Variants in RBP5 observed in about 807,000 individuals in gnomAD.
The protein encoded by RBP5 is retinol binding protein 5.
In RBP5, 12 loss-of-function variants were observed where a neutral mutation model predicts 17.8. The observed-to-expected ratio is 0.67, with a 90% confidence interval of 0.43 to 1.09. The LOEUF is 1.09. Among genes scored for constraint, RBP5 ranks in the 50% least tolerant of loss-of-function variants. The pLI is 0.00. For missense variants in RBP5, 172 were observed against 169.4 expected, an observed-to-expected ratio of 1.02 and a Z score of -0.09; for synonymous variants, 64 against 68.1, an observed-to-expected ratio of 0.94 and a Z score of 0.30.
In RBP5 at chr12:7,128,378, C is replaced by T; in HGVS notation, c.114G>A (p.Lys38=). The T allele has an allele frequency of 6.2e-7, 1 of 1,614,232 alleles. No individual in the cohort carries two copies. Among genetic ancestry groups the T allele is most frequent in the Non-Finnish European group, 8.5e-7 (1 of 1,180,034 alleles). Residue 38 remains lysine (K), a synonymous_variant, in exon 2 of 4, where the codon AAG becomes AAA. Coordinates refer to ENST00000266560, the MANE Select transcript of RBP5 (RefSeq NM_031491.4). This position sits in a 1 kb window ranked among gnomAD's most constrained non-coding sequence, Gnocchi z 5.3. ...CCTGGTGTTCGATCTCCTTGTCCGG[C>T]TTCAGCAGCAGCGCGATCTTCCGCA... ...LAVRKIALLL[K]PDKEIEHQGN...
downstream of RBP5, chr12:7,119,698 T>C (rs1375320470): frequency 2.6e-5 from 4 of 154,576 alleles, no homozygotes; most frequent in Non-Finnish European, 4.4e-5. Context: ...AGGCAGGGAA[T>C]AGTGCAAGTA....
At chr12:7,126,545 G>A (rs1000951109) in intron 2 of RBP5, among the ~76,000 whole-genome samples, 18 of 144,504 alleles carry the variant, frequency 1.2e-4, no homozygotes, top group Middle Eastern at 6.9e-3. Context: ...GTGTGTGTGT[G>A]TGTGTGTGTG....
chr12:7,122,797 C>G (rs1939098233), downstream of RBP5, among the ~76,000 whole-genome samples: 1 of 152,186 alleles, frequency 6.6e-6, no homozygotes, highest in Non-Finnish European at 1.5e-5. Flanking sequence ...GGGCTTTCCA[C>G]TCTACTGTGG....
chr12:7,128,402 C>T lies in RBP5; in HGVS notation c.90G>A (p.Val30=). The part of the protein sequence containing the change: ...YLQALNISLA[V]RKIALLLKPD... The stretch of plus-strand genomic sequence containing the variant: ...GCTTCAGCAGCAGCGCGATCTTCCG[C>T]ACAGCCAAGCTGATGTCTGTGGGGG... The change falls in exon 2 of 4, where the codon GTG becomes GTA. Residue 30 remains valine (V), a synonymous_variant. Transcript: ENST00000266560. This position sits in a 1 kb window ranked among gnomAD's most constrained non-coding sequence, Gnocchi z 5.3. The T allele has an allele frequency of 6.2e-7, 1 of 1,614,140 alleles. No individual in the cohort carries two copies. Among genetic ancestry groups the T allele is most frequent in the Middle Eastern group, 1.6e-4 (1 of 6,062 alleles).
chr12:7,119,814 C>G (rs1591606419), downstream of RBP5, among the ~76,000 whole-genome samples: 1 of 152,208 alleles, frequency 6.6e-6, no homozygotes, highest in Admixed American at 6.5e-5. Context: ...CTTGGTGTTG[C>G]CTTGTGGGCT....
In RBP5 at chr12:7,123,950, C is replaced by T. The variant is rs145447427; in HGVS notation, c.*171G>A. 1.4e-3 allele frequency: 894 copies of T among 635,556 alleles called. 1 individual carries two copies. Among genetic ancestry groups the T allele is most frequent in the African/African-American group, 0.013 (739 of 55,450 alleles). The allele number at this position is 635,556 out of a possible 1,614,324, so 39.4% of individuals were successfully genotyped here. ...GTGGAGTGTGAGAAAGGACTTTGGC[C>T]TGGGGGCTGCAAGTTACAGATTAAC... is the stretch of plus-strand genomic sequence containing the variant. On this transcript the variant is annotated 3_prime_UTR_variant, in exon 4 of 4. Transcript: ENST00000266560.
chr12:7,126,865 G>A (rs1216168771), intron 2 of RBP5, among the ~76,000 whole-genome samples: 1 of 152,104 alleles, frequency 6.6e-6, no homozygotes, highest in Non-Finnish European at 1.5e-5. Flanking sequence ...GAATGCAATG[G>A]CATGATCTTG....
In RBP5 at chr12:7,127,995, G is replaced by T. The variant is rs527641607; in HGVS notation, c.252+245C>A. On this transcript the variant is annotated intron_variant, in intron 2 of 3. Transcript: ENST00000266560. Reference sequence around the variant, plus strand: ...AAATGTTTGCTCTTCGGTCTGGGTTGGCCTGTTCTTTGCCCTTTGGGCTGG... The same window carrying T: ...AAATGTTTGCTCTTCGGTCTGGGTTTGCCTGTTCTTTGCCCTTTGGGCTGG... Among the ~76,000 whole-genome samples, 15 of 152,346 alleles carry T rather than the reference G, an allele frequency of 9.8e-5. No individual in the cohort carries two copies. The South Asian group carries it at 2.3e-3, about 23-fold the overall frequency.
At chr12:7,125,851 T>C (rs1433111213) in intron 2 of RBP5, among the ~76,000 whole-genome samples, 1 of 152,158 alleles carries the variant, frequency 6.6e-6, no homozygotes, top group East Asian at 1.9e-4. Flanking sequence ...AGATCATCAC[T>C]GAAAGGGTGT....
chr12:7,126,954 C>T (rs993564744), intron 2 of RBP5, among the ~76,000 whole-genome samples: 8 of 150,880 alleles, frequency 5.3e-5, no homozygotes, highest in Non-Finnish European at 8.9e-5. Context: ...TACAGGCATG[C>T]GCCACCATGC....
At chr12:7,127,258 T>C (rs924935136) in intron 2 of RBP5, among the ~76,000 whole-genome samples, 6 of 152,140 alleles carry the variant, frequency 3.9e-5, no homozygotes, top group African/African-American at 1.4e-4. Context: ...CCTCCCAAAG[T>C]ACTGGGATTA....
rs1939130656 is a variant in RBP5, at chr12:7,124,667, C to T, written c.316G>A (p.Gly106Ser). 6.2e-6 allele frequency: 10 copies of T among 1,613,240 alleles called. No homozygotes were observed. Among genetic ancestry groups the T allele is most frequent in the Non-Finnish European group, 8.5e-6 (10 of 1,179,306 alleles). The change falls in exon 3 of 4, where the codon GGC becomes AGC. Residue 106 changes from glycine (G) to serine (S), a missense_variant. Physicochemically the swap from Gly to Ser is moderately conservative, Grantham distance 56. Coordinates refer to ENST00000266560, the MANE Select transcript of RBP5 (RefSeq NM_031491.4). This position sits in a 1 kb window ranked among gnomAD's most constrained non-coding sequence, Gnocchi z 5.3. ...TCTCCCTCCAGCCAGTGTCTCCAGCCCCGGTTGGGGACCTCCCCTTTCTGC... is the reference window on the plus strand; with the variant it reads ...TCTCCCTCCAGCCAGTGTCTCCAGCTCCGGTTGGGGACCTCCCCTTTCTGC... ...CVQKGEVPNRGWRHWLEGEML... is the reference protein window; with the variant it reads ...CVQKGEVPNRSWRHWLEGEML...
chr12:7,129,808 G>T, upstream of RBP5: 1 of 985,744 alleles, frequency 1.0e-6, no homozygotes, highest in Non-Finnish European at 1.2e-6. The surrounding 1 kb of genome is among the most constrained non-coding windows in gnomAD (Gnocchi z 5.5). Flanking sequence ...TAGGCAGGAG[G>T]AGGCGGCCGG....
exon 4 of RBP5, chr12:7,116,551 G>T (rs1451191093): frequency 6.6e-6 from 1 of 152,226 alleles, no homozygotes; most frequent in Non-Finnish European, 1.5e-5. Context: ...ACCATCTGAA[G>T]ATGCTGGACA....
In RBP5 at chr12:7,117,892, C is replaced by T. The variant is rs964134401; in HGVS notation, n.890-585G>A. The T allele has an allele frequency of 1.3e-5, 2 of 152,190 alleles. No homozygotes were observed. Among genetic ancestry groups the T allele is most frequent in the African/African-American group, 4.8e-5 (2 of 41,438 alleles). 9.4% of individuals were successfully genotyped at this position (152,190 alleles called of 1,614,324 possible). ...TGGACTTTCGTCCTGAAACAAAGTC[C>T]TTTAGTAAAGGACTCTTTAAATTCA... On this transcript the variant is annotated intron_variant and non_coding_transcript_variant, in intron 3 of 3. Coordinates refer to the RBP5 transcript ENST00000619522. The surrounding 1 kb of genome is among the most constrained non-coding windows in gnomAD (Gnocchi z 4.9).
rs1939130567 is a variant in RBP5, at chr12:7,124,664, A to C, written c.319T>G (p.Trp107Gly). The part of the protein sequence containing the change: ...VQKGEVPNRG[W>G]RHWLEGEMLY... ...ATCTCTCCCTCCAGCCAGTGTCTCC[A>C]GCCCCGGTTGGGGACCTCCCCTTTC... The change falls in exon 3 of 4, where the codon TGG (tryptophan) becomes GGG (glycine). Residue 107 changes from tryptophan (W) to glycine (G), a missense_variant. Coordinates refer to ENST00000266560, the MANE Select transcript of RBP5 (RefSeq NM_031491.4). The surrounding 1 kb of genome is among the most constrained non-coding windows in gnomAD (Gnocchi z 5.3). The C allele has an allele frequency of 6.2e-7, 1 of 1,612,310 alleles. No individual in the cohort carries two copies. The highest frequency in any genetic ancestry group is 8.5e-7 in the Non-Finnish European group (1 of 1,178,936).
At position 7,128,617 on chromosome 12, in the gene RBP5, C is replaced by T. The variant is rs963671100; in HGVS notation, c.73+86G>A. 9.8e-6 allele frequency: 13 copies of T among 1,333,008 alleles called. No individual in the cohort carries two copies. The African/African-American group carries it at 1.6e-4, about 16-fold the overall frequency. The allele number at this position is 1,333,008 out of a possible 1,614,324, so 82.6% of individuals were successfully genotyped here. On this transcript the variant is annotated intron_variant, in intron 1 of 3. Coordinates refer to ENST00000266560, the MANE Select transcript of RBP5 (RefSeq NM_031491.4). This position sits in a 1 kb window ranked among gnomAD's most constrained non-coding sequence, Gnocchi z 5.3. ...CCTTTCCACAGTGTCCAACCCCGGG[C>T]ATTCCCTCTTCTCCATGGGACCAAG...
In RBP5 at chr12:7,124,735, A is replaced by G. The variant is rs777503882; in HGVS notation, c.253-5T>C. 2.6e-6 allele frequency: 4 copies of G among 1,540,056 alleles called. No homozygotes were observed. The highest frequency in any genetic ancestry group is 1.8e-6 in the Non-Finnish European group (2 of 1,113,030). On this transcript the variant is annotated splice_polypyrimidine_tract_variant and splice_region_variant and intron_variant, in intron 2 of 3. Coordinates refer to ENST00000266560, the MANE Select transcript of RBP5 (RefSeq NM_031491.4). This position sits in a 1 kb window ranked among gnomAD's most constrained non-coding sequence, Gnocchi z 5.3. ...CTCCTCCCAGGTTACTATGGTCTAT[A>G]GGGGAAAGAGGGAGTAAAGAAAGAT...
At chr12:7,121,023 G>A (rs1288965769), downstream of RBP5, 1 of 146,140 alleles carries the variant, frequency 6.8e-6, no homozygotes, top group Non-Finnish European at 1.5e-5. Context: ...GCAAGATTCT[G>A]TCTCAAAAAA....
Sources: allele counts gnomAD v4.1 joint callset (sites outside exome capture counted in the v4.1 genomes callset), GRCh38; gene constraint gnomAD v4.1.1; non-coding constraint Gnocchi (gnomAD v3.1); transcripts MANE v1.5; gene names NCBI Gene and HGNC (gene_info 2026-07-23, HGNC 2026-07-21).